ZNF319: variants seen among roughly 807,000 people sequenced by gnomAD.
The protein encoded by ZNF319 is zinc finger protein 319.
Under a neutral mutation model 46.0 loss-of-function variants are expected in ZNF319, and 15 were observed. The ratio of observed to expected loss-of-function variants is 0.33; its 90% CI spans 0.22 to 0.50. The LOEUF is 0.50. ZNF319 is among the 20% of genes least tolerant of loss of function. The probability of loss-of-function intolerance (pLI) is 0.98; values close to 1 mark genes in which losing one functional copy is unlikely to be tolerated. For synonymous variants in ZNF319, 368 were observed against 364.0 expected, an observed-to-expected ratio of 1.01 and a Z score of -0.13; for missense variants, 635 against 807.0, an observed-to-expected ratio of 0.79 and a Z score of 2.58.
In ZNF319 at chr16:57,996,452, G is replaced by A. The variant is rs1233002818; in HGVS notation, c.*65C>T. The A allele has an allele frequency of 6.9e-7, 1 of 1,449,872 alleles. No homozygotes were observed. The highest frequency in any genetic ancestry group is 9.0e-7 in the Non-Finnish European group (1 of 1,107,392). 89.8% of individuals were successfully genotyped at this position (1,449,872 alleles called of 1,614,324 possible). ...CAAGGCAGCTGTGAGGAGCTAGGCT[G>A]CGCGAGGCCTGCTGGGCCCACGGCG... On this transcript the variant is annotated 3_prime_UTR_variant, in exon 2 of 2. Coordinates refer to ENST00000299237, the MANE Select transcript of ZNF319 (RefSeq NM_020807.3).
Position 57,996,980 on chromosome 16 carries a change from T to C in ZNF319, c.1286A>G (p.Lys429Arg). 6.2e-7 allele frequency: 1 copy of C among 1,604,594 alleles called. No individual in the cohort carries two copies. The highest frequency in any genetic ancestry group is 8.5e-7 in the Non-Finnish European group (1 of 1,178,966). Residue 429 changes from lysine to arginine, a missense_variant, in exon 2 of 2, where the codon AAG becomes AGG. Around this residue, in one of 3 missense-constraint regions of ZNF319, gnomAD observed 270 missense variants for 281.4 expected, o/e 0.96. Coordinates refer to ENST00000299237, the MANE Select transcript of ZNF319 (RefSeq NM_020807.3). ...GTAGGCCTTGTTGCACACAGGGCAC[T>C]TGAAGGGCCGCTCGGCCGCGCCGGG... ...CLPGAAERPF[K>R]CPVCNKAYKR...
rs936247959 is a variant in ZNF319, at chr16:57,995,678, C to T, written c.*839G>A. The stretch of plus-strand genomic sequence containing the variant: ...TGACAATCCCTGCCTTTCACACCAG[C>T]AGTTCTGTCTGCTGAGAGCACGGCA... On this transcript the variant is annotated 3_prime_UTR_variant, in exon 2 of 2. Coordinates refer to ENST00000299237, the MANE Select transcript of ZNF319 (RefSeq NM_020807.3). 2.6e-5 allele frequency: 4 copies of T among 152,682 alleles called. No homozygotes were observed. The highest frequency in any genetic ancestry group is 7.2e-5 in the African/African-American group (3 of 41,466). The allele number at this position is 152,682 out of a possible 1,614,324, so 9.5% of individuals were successfully genotyped here. A position where few individuals can be genotyped will look rare whatever the true frequency, so the allele number is the denominator to read the frequency against.
chr16:57,996,474 G>A lies in ZNF319; in HGVS notation c.*43C>T, dbSNP rs767790312. On this transcript the variant is annotated 3_prime_UTR_variant, in exon 2 of 2. Transcript: ENST00000299237. ...GCTGCGCGAGGCCTGCTGGGCCCACGGCGCCGACTCAGGTCAGGCTGGTAG... is the reference window on the plus strand; with the variant it reads ...GCTGCGCGAGGCCTGCTGGGCCCACAGCGCCGACTCAGGTCAGGCTGGTAG... 286 of 1,462,564 alleles carry A rather than the reference G, an allele frequency of 2.0e-4. No individual in the cohort carries two copies. Among genetic ancestry groups the A allele is most frequent in the Non-Finnish European group, 2.3e-4 (257 of 1,112,184 alleles). The allele number at this position is 1,462,564 out of a possible 1,614,324, so 90.6% of individuals were successfully genotyped here. A position where few individuals can be genotyped will look rare whatever the true frequency, so the allele number is the denominator to read the frequency against.
Position 57,998,203 on chromosome 16 carries a change from A to AGGCTGCGGTGGCTGTGGCTGCTGC in ZNF319, c.39_62dup (p.Gln15_Gln22dup). 4 of 1,542,102 alleles carry AGGCTGCGGTGGCTGTGGCTGCTGC rather than the reference A, an allele frequency of 2.6e-6. No homozygotes were observed. The highest frequency in any genetic ancestry group is 2.6e-6 in the Non-Finnish European group (3 of 1,143,902). On this transcript the variant is annotated inframe_insertion, in exon 2 of 2. Coordinates refer to ENST00000299237, the MANE Select transcript of ZNF319 (RefSeq NM_020807.3). ...CTGGCGGTGGCTCTGCATGGTGCTGAGGCTGCGGTGGCTGTGGCTGCTGCG... is the reference window on the plus strand; with the variant it reads ...CTGGCGGTGGCTCTGCATGGTGCTGAGGCTGCGGTGGCTGTGGCTGCTGCGGCTGCGGTGGCTGTGGCTGCTGCG...
Position 57,994,694 on chromosome 16 carries a change from T to C in ZNF319, c.*1823A>G, listed in dbSNP as rs1473663289. The C allele has an allele frequency of 6.6e-6, 1 of 152,250 alleles. No individual in the cohort carries two copies. Among genetic ancestry groups the C allele is most frequent in the Non-Finnish European group, 1.5e-5 (1 of 68,038 alleles). 9.4% of individuals were successfully genotyped at this position (152,250 alleles called of 1,614,324 possible). ...GCAGTGGTCTGTGACGGTCAATGTC[T>C]TTACTTCTAAAGCATACATTGGACT... On this transcript the variant is annotated 3_prime_UTR_variant, in exon 2 of 2. Coordinates refer to ENST00000299237, the MANE Select transcript of ZNF319 (RefSeq NM_020807.3).
rs368387559 is a variant in ZNF319 at position 57,997,375 on chromosome 16, C to T, written c.891G>A (p.Lys297=). The part of the protein sequence containing the change: ...FRCNVCELHF[K]ESSELLQHPC... The stretch of plus-strand genomic sequence containing the variant: ...GGTGCTGCAGCAGCTCCGACGACTC[C>T]TTGAAATGCAACTCGCACACGTTGC... The change falls in exon 2 of 2, where the codon AAG becomes AAA. Residue 297 remains lysine, a synonymous_variant. Coordinates refer to ENST00000299237, the MANE Select transcript of ZNF319 (RefSeq NM_020807.3). 9 of 1,612,124 alleles carry T rather than the reference C, an allele frequency of 5.6e-6. No individual in the cohort carries two copies. The African/African-American group carries it at 1.1e-4, about 19-fold the overall frequency.
At position 57,997,077 on chromosome 16, in the gene ZNF319, T is replaced by C. The variant is rs767112917; in HGVS notation, c.1189A>G (p.Thr397Ala). ...TGGCACACGGGGCACTTGAAGAGAG[T>C]CTCGAGGGTGTGCACGTGCTGGTGG... Reference protein sequence around the residue: ...LYHQHVHTLETLFKCPVCQKG... With the variant: ...LYHQHVHTLEALFKCPVCQKG... The change falls in exon 2 of 2, where the codon ACT becomes GCT. Residue 397 changes from threonine to alanine, a missense_variant. This residue lies in a region of ZNF319 where 270 missense variants were observed against 281.4 expected (regional missense o/e 0.96). Coordinates refer to ENST00000299237, the MANE Select transcript of ZNF319 (RefSeq NM_020807.3). 1.2e-6 allele frequency: 2 copies of C among 1,612,116 alleles called. No homozygotes were observed. The highest frequency in any genetic ancestry group is 1.7e-6 in the Non-Finnish European group (2 of 1,179,650).
At chr16:57,999,273 A>ACACG (rs1567413950) in intron 1 of ZNF319, among the ~76,000 whole-genome samples, 2 of 151,686 alleles carry the variant, frequency 1.3e-5, no homozygotes, top group Non-Finnish European at 2.9e-5. Context: ...ACACACACAC[A>ACACG]AAGTCCTAAA....
At position 57,996,874 on chromosome 16, in the gene ZNF319, T is replaced by C. The variant is rs752246321; in HGVS notation, c.1392A>G (p.Glu464=). The C allele has an allele frequency of 1.2e-6, 2 of 1,603,256 alleles. No homozygotes were observed. Among genetic ancestry groups the C allele is most frequent in the Non-Finnish European group, 1.7e-6 (2 of 1,178,712 alleles). Residue 464 remains glutamate, a synonymous_variant, in exon 2 of 2, where the codon GAA becomes GAG. Transcript: ENST00000299237. ...ACTCGGAAGAGGAGAAGAAGCGGCGTTCGCAAAGCGTGCAGCGCAGGGGCT... is the reference window on the plus strand; with the variant it reads ...ACTCGGAAGAGGAGAAGAAGCGGCGCTCGCAAAGCGTGCAGCGCAGGGGCT... ...AEKPLRCTLC[E]RRFFSSSEFV...
At chr16:57,998,856 G>A (rs1051875962) in intron 1 of ZNF319, among the ~76,000 whole-genome samples, 9 of 152,098 alleles carry the variant, frequency 5.9e-5, no homozygotes, top group African/African-American at 1.9e-4. Flanking sequence ...GGGGTTATCT[G>A]CCTACAATAC....
chr16:57,996,559 C>T lies in ZNF319; in HGVS notation c.1707G>A (p.Ala569=), dbSNP rs768112226. The T allele has an allele frequency of 6.4e-7, 1 of 1,567,308 alleles. No individual in the cohort carries two copies. Among genetic ancestry groups the T allele is most frequent in the Non-Finnish European group, 8.6e-7 (1 of 1,163,400 alleles). ...EHSAQHSAAA[A]AAEGAYQVAA... ...CTACCTGGTAGGCGCCCTCCGCTGC[C>T]GCGGCGGCGGCACTGTGCTGCGCGC... The change falls in exon 2 of 2, where the codon GCG becomes GCA. Residue 569 remains alanine (A), a synonymous_variant. Coordinates refer to ENST00000299237, the MANE Select transcript of ZNF319 (RefSeq NM_020807.3).
At position 57,996,325 on chromosome 16, in the gene ZNF319, G is replaced by C; in HGVS notation, c.*192C>G. Reference sequence around the variant, plus strand: ...AGCAATCTGGCCGCCCGCACTGCCCGCTGGTGCCAGGAGTACGAGCGGCAC... The same window carrying C: ...AGCAATCTGGCCGCCCGCACTGCCCCCTGGTGCCAGGAGTACGAGCGGCAC... On this transcript the variant is annotated 3_prime_UTR_variant, in exon 2 of 2. Coordinates refer to ENST00000299237, the MANE Select transcript of ZNF319 (RefSeq NM_020807.3). 1 of 1,194,684 alleles carries C rather than the reference G, an allele frequency of 8.4e-7. No homozygotes were observed. 74.0% of individuals were successfully genotyped at this position (1,194,684 alleles called of 1,614,324 possible). A position where few individuals can be genotyped will look rare whatever the true frequency, so the allele number is the denominator to read the frequency against.
chr16:57,996,481 A>G lies in ZNF319; in HGVS notation c.*36T>C, dbSNP rs1320207539. The G allele has an allele frequency of 1.4e-6, 2 of 1,473,946 alleles. No individual in the cohort carries two copies. The highest frequency in any genetic ancestry group is 1.8e-6 in the Non-Finnish European group (2 of 1,117,132). 91.3% of individuals were successfully genotyped at this position (1,473,946 alleles called of 1,614,324 possible). A position where few individuals can be genotyped will look rare whatever the true frequency, so the allele number is the denominator to read the frequency against. ...GAGGCCTGCTGGGCCCACGGCGCCG[A>G]CTCAGGTCAGGCTGGTAGGGGCCAC... On this transcript the variant is annotated 3_prime_UTR_variant, in exon 2 of 2. Transcript: ENST00000299237.
rs577714937 is a variant in ZNF319 at position 57,997,120 on chromosome 16, C to T, written c.1146G>A (p.Gln382=). ...KCGLCEKGFG[Q]PSHLLYHQHV... ...GCTGGTGGTAGAGCAGGTGGCTGGGCTGCCCAAAGCCCTTCTCACATAGGC... is the reference window on the plus strand; with the variant it reads ...GCTGGTGGTAGAGCAGGTGGCTGGGTTGCCCAAAGCCCTTCTCACATAGGC... Residue 382 remains glutamine, a synonymous_variant, in exon 2 of 2, where the codon CAG becomes CAA. Transcript: ENST00000299237. 96 of 1,614,124 alleles carry T rather than the reference C, an allele frequency of 5.9e-5. 1 individual carries two copies. In the South Asian group the frequency reaches 9.3e-4, roughly 16 times the overall value.
Position 57,996,150 on chromosome 16 carries a change from T to C in ZNF319, c.*367A>G. 3.8e-6 allele frequency: 1 copy of C among 266,202 alleles called. No individual in the cohort carries two copies. Among genetic ancestry groups the C allele is most frequent in the Non-Finnish European group, 7.2e-6 (1 of 139,640 alleles). The allele number at this position is 266,202 out of a possible 1,614,324, so 16.5% of individuals were successfully genotyped here. On this transcript the variant is annotated 3_prime_UTR_variant, in exon 2 of 2. Transcript: ENST00000299237. ...GCTAGCTTGAAAGATATGGGAAGGT[T>C]GGGCTGGCATCACACCCTCCTTAGG...
Sources: allele counts gnomAD v4.1 joint callset (sites outside exome capture counted in the v4.1 genomes callset), GRCh38; gene constraint gnomAD v4.1.1; regional missense constraint gnomAD v4.1.1; transcripts MANE v1.5; gene names NCBI Gene and HGNC (gene_info 2026-07-23, HGNC 2026-07-21).